GRM1: variants seen among roughly 807,000 people sequenced by gnomAD.
GRM1 encodes metabotropic glutamate receptor 1.
In GRM1, 33 loss-of-function variants were observed where a neutral mutation model predicts 90.9. That is an observed-to-expected ratio of 0.36 (90% CI 0.28 to 0.49). The LOEUF is 0.49. Among genes scored for constraint, GRM1 ranks in the 20% least tolerant of loss-of-function variants. The probability of loss-of-function intolerance (pLI) is 0.99; values close to 1 mark genes in which losing one functional copy is unlikely to be tolerated. For missense variants in GRM1, 1,190 were observed against 1,534.3 expected (o/e 0.78, Z 3.75); for synonymous variants, 700 against 613.2 (o/e 1.14, Z -2.09).
intron 6 of GRM1, among the ~76,000 whole-genome samples, chr6:146,391,625 T>C (rs362852): frequency 0.44 from 66,072 of 151,636 alleles, 14,541 homozygotes; most frequent in African/African-American, 0.5. Flanking sequence ...ATTGGACAAA[T>C]GACATTACAG....
At chr6:146,171,912 T>C (rs1035934521) in intron 2 of GRM1, 4 of 220,324 alleles carry the variant, frequency 1.8e-5, no homozygotes, top group African/African-American at 4.7e-5. Flanking sequence ...TACTCCATCA[T>C]AGGGCATAGA....
intron 1 of GRM1, among the ~76,000 whole-genome samples, chr6:146,040,282 C>T (rs778440615): frequency 2.0e-5 from 3 of 151,892 alleles, no homozygotes; most frequent in African/African-American, 4.8e-5. Context: ...GTACTAGTAG[C>T]GATACATGAG....
At chr6:146,150,938 G>GCGCGCA (rs1554273698) in intron 1 of GRM1, among the ~76,000 whole-genome samples, 1 of 150,708 alleles carries the variant, frequency 6.6e-6, no homozygotes, top group Non-Finnish European at 1.5e-5. Context: ...GCGTGTGCGC[G>GCGCGCA]CACACACACA....
chr6:146,179,948 C>G (rs1242279875), intron 2 of GRM1, among the ~76,000 whole-genome samples: 1 of 151,930 alleles, frequency 6.6e-6, no homozygotes. Context: ...TCAAGACCAG[C>G]CTGGGCAACA....
intron 1 of GRM1, among the ~76,000 whole-genome samples, chr6:146,150,330 C>T (rs1001019548): frequency 6.6e-6 from 1 of 152,100 alleles, no homozygotes; most frequent in African/African-American, 2.4e-5. Flanking sequence ...TTGAGTATTA[C>T]AATAGTTTTC....
At chr6:146,395,506 C>A in intron 6 of GRM1, among the ~76,000 whole-genome samples, 1 of 152,064 alleles carries the variant, frequency 6.6e-6, no homozygotes, top group East Asian at 1.9e-4. Context: ...TTACTTTAAT[C>A]TTCTCTTTTC....
intron 2 of GRM1, among the ~76,000 whole-genome samples, chr6:146,290,654 G>T (rs1782947804): frequency 6.6e-6 from 1 of 152,088 alleles, no homozygotes; most frequent in Admixed American, 6.6e-5. Context: ...TTTTGAATGG[G>T]AATGTCTATA....
Position 146,167,934 on chromosome 6 carries a change from G to A in GRM1, c.950+8337G>A, listed in dbSNP as rs933145213. 2.3e-4 allele frequency among the ~76,000 whole-genome samples: 35 copies of A among 151,890 alleles called. 1 individual carries two copies. The highest frequency in any genetic ancestry group is 7.0e-4 in the African/African-American group (29 of 41,456). ...TTCTTTTATGGTTTATATTCTTTGT[G>A]TTCTATCAAAAATATTTTACCTCCT... On this transcript the variant is annotated intron_variant, in intron 2 of 7. Transcript: ENST00000282753.
intron 1 of GRM1, among the ~76,000 whole-genome samples, chr6:146,128,048 C>G (rs1198433609): frequency 6.6e-6 from 1 of 152,136 alleles, no homozygotes; most frequent in African/African-American, 2.4e-5. Flanking sequence ...CACATGGCCT[C>G]TCTACGTGGC....
At chr6:146,207,490 T>C (rs531619322) in intron 2 of GRM1, among the ~76,000 whole-genome samples, 1 of 152,318 alleles carries the variant, frequency 6.6e-6, no homozygotes, top group South Asian at 2.1e-4. Context: ...TGCTGGATAT[T>C]GGACCATTGT....
chr6:146,055,110 T>C (rs938808659), intron 1 of GRM1, among the ~76,000 whole-genome samples: 1 of 152,128 alleles, frequency 6.6e-6, no homozygotes, highest in Non-Finnish European at 1.5e-5. Flanking sequence ...ACCTGGCACA[T>C]ATGAGCTATT....
chr6:146,162,318 A>G (rs747007639), intron 2 of GRM1, among the ~76,000 whole-genome samples: 1 of 152,184 alleles, frequency 6.6e-6, no homozygotes. Flanking sequence ...GGTTAAAAAA[A>G]AATTAGGACT....
intron 2 of GRM1, among the ~76,000 whole-genome samples, chr6:146,207,859 T>C (rs544228602): frequency 6.6e-6 from 1 of 152,298 alleles, no homozygotes; most frequent in Non-Finnish European, 1.5e-5. Flanking sequence ...ATGGGGTTTG[T>C]AATATTTTCC....
intron 1 of GRM1, among the ~76,000 whole-genome samples, chr6:146,044,206 T>G (rs1791239234): frequency 6.6e-6 from 1 of 151,972 alleles, no homozygotes; most frequent in Non-Finnish European, 1.5e-5. Context: ...TGGGTGCCTC[T>G]GTGGATTTAT....
intron 1 of GRM1, among the ~76,000 whole-genome samples, chr6:146,123,838 G>A (rs1435783344): frequency 6.6e-6 from 1 of 152,120 alleles, no homozygotes; most frequent in Admixed American, 6.6e-5. Context: ...CAGGTTTCTA[G>A]CGCTACCATG....
At chr6:146,235,701 CGTGTGTGTGTGTGT>C (rs71028383) in intron 2 of GRM1, among the ~76,000 whole-genome samples, 10 of 102,856 alleles carry the variant, frequency 9.7e-5, no homozygotes, top group South Asian at 3.5e-4. Flanking sequence ...TCTCTGTTAC[CGTGTGTGTGTGTGT>C]GTGTGTGTGT....
chr6:146,365,976 C>G (rs930257603), intron 5 of GRM1, among the ~76,000 whole-genome samples: 9 of 152,164 alleles, frequency 5.9e-5, no homozygotes, highest in African/African-American at 2.2e-4. Flanking sequence ...ATCTTGGTTT[C>G]TCCCCTGTGA....
chr6:146,188,901 T>G (rs1053663160), intron 2 of GRM1, among the ~76,000 whole-genome samples: 1 of 152,322 alleles, frequency 6.6e-6, no homozygotes, highest in South Asian at 2.1e-4. Flanking sequence ...GCCCTCACGT[T>G]TTTTATCAGT....
Position 146,433,525 on chromosome 6 carries a change from A to AGTGT in GRM1, c.2661-316_2661-313dup, listed in dbSNP as rs72224796. On this transcript the variant is annotated intron_variant, in intron 7 of 7. Transcript: ENST00000282753. ...CTCCATCAGTTGGGAGTTTTTCAAA[A>AGTGT]GTGTGTGTGTGTGTGTGTGTGTGTG... Among the ~76,000 whole-genome samples the AGTGT allele has an allele frequency of 8.3e-3, 1,235 of 148,176 alleles. 17 individuals are homozygous for AGTGT. The highest frequency in any genetic ancestry group is 0.027 in the East Asian group (136 of 4,966).
Sources: gnomAD v4.1 joint callset for allele counts (sites outside exome capture counted in the v4.1 genomes callset) on GRCh38, gnomAD v4.1.1 for gene constraint, MANE v1.5 for transcripts, NCBI Gene and HGNC (gene_info 2026-07-23, HGNC 2026-07-21) for gene names.